Variants in ORC1 observed in about 807,000 individuals in gnomAD.
ORC1 encodes the protein origin recognition complex subunit 1.
ORC1 carries 61 observed loss-of-function variants against 98.9 expected under a neutral mutation model. That is an observed-to-expected ratio of 0.62 (90% CI 0.50 to 0.76). ORC1 has a LOEUF of 0.76. Ranked by LOEUF, ORC1 falls within the 30% of genes least tolerant of loss-of-function variation. The pLI is 0.00. For missense variants in ORC1, 979 were observed against 1,072.2 expected (o/e 0.91, Z 1.21); for synonymous variants, 385 against 406.9 (o/e 0.95, Z 0.65).
chr1:52,403,342 T>C (rs1251042684), intron 1 of ORC1, among the ~76,000 whole-genome samples: 1 of 152,250 alleles, frequency 6.6e-6, no homozygotes, highest in Non-Finnish European at 1.5e-5. Context: ...TGGTTTTATT[T>C]ATTAAGTATC....
rs374124585 is a variant in ORC1 at position 52,385,820 on chromosome 1, C to T, written c.1481+32G>A. On this transcript the variant is annotated intron_variant, in intron 9 of 16. Transcript: ENST00000371568. ...GAAAGCAGAGGCCCCATGGTTCCTG[C>T]CTCTCTGAAGGGGAATCAACAGCAG... 1.3e-5 allele frequency: 19 copies of T among 1,473,096 alleles called. No homozygotes were observed. In the African/African-American group the frequency reaches 2.5e-4, roughly 19 times the overall value. 91.3% of individuals were successfully genotyped at this position (1,473,096 alleles called of 1,614,324 possible). A position where few individuals can be genotyped will look rare whatever the true frequency, so the allele number is the denominator to read the frequency against.
intron 14 of ORC1, among the ~76,000 whole-genome samples, chr1:52,379,313 G>A (rs564321759): frequency 2.8e-4 from 41 of 148,928 alleles, no homozygotes; most frequent in African/African-American, 9.9e-4. Flanking sequence ...GTGCGATCTC[G>A]GCTCACTGCA....
At chr1:52,381,420 G>A (rs1218497571) in intron 14 of ORC1, among the ~76,000 whole-genome samples, 4 of 152,132 alleles carry the variant, frequency 2.6e-5, no homozygotes, top group Non-Finnish European at 4.4e-5. Flanking sequence ...CTTGCTCCCT[G>A]AATGAATTCA....
chr1:52,378,031 G>A (rs1161616739), intron 14 of ORC1, among the ~76,000 whole-genome samples: 1 of 152,186 alleles, frequency 6.6e-6, no homozygotes, highest in Non-Finnish European at 1.5e-5. Context: ...CAAATTGGAT[G>A]TCTTCTGAAT....
Position 52,374,852 on chromosome 1 carries a change from T to C in ORC1, c.2349A>G (p.Ala783=), listed in dbSNP as rs867971218. ...LEQSFLRAIL[A]EFRRSGLEEA... Reference sequence around the variant, plus strand: ...CCTCCAGTCCTGATCGACGGAACTCTGCGAGGATGGCTCTCAGGAAGCTCT... The same window carrying C: ...CCTCCAGTCCTGATCGACGGAACTCCGCGAGGATGGCTCTCAGGAAGCTCT... Residue 783 remains alanine (A), a synonymous_variant, in exon 16 of 17, where the codon GCA becomes GCG. Coordinates refer to ENST00000371568, the MANE Select transcript of ORC1 (RefSeq NM_004153.4). 1 of 1,613,968 alleles carries C rather than the reference T, an allele frequency of 6.2e-7. No individual in the cohort carries two copies. Among genetic ancestry groups the C allele is most frequent in the Middle Eastern group, 1.6e-4 (1 of 6,062 alleles).
At chr1:52,408,817 T>G, upstream of ORC1, 1 of 1,227,954 alleles carries the variant, frequency 8.1e-7, no homozygotes. Flanking sequence ...ACTGTCTCTA[T>G]GCAGGTTTTC....
In ORC1 at chr1:52,373,228, G is replaced by A. The variant is rs1390393417; in HGVS notation, c.2539C>T (p.Leu847Phe). 1 of 1,614,228 alleles carries A rather than the reference G, an allele frequency of 6.2e-7. No homozygotes were observed. Among genetic ancestry groups the A allele is most frequent in the Admixed American group, 1.7e-5 (1 of 60,020 alleles). ...AGCACATCATCCTGGCTGACGTTGA[G>A]CCGCACCCGAAGGAGCAGATCGTTC... ...SRNDLLLRVR[L>F]NVSQDDVLYA... Residue 847 changes from leucine to phenylalanine, a missense_variant, in exon 17 of 17, where the codon CTC (leucine) becomes TTC (phenylalanine). Transcript: ENST00000371568.
chr1:52,400,772 TC>T (rs1040275255), intron 3 of ORC1, among the ~76,000 whole-genome samples: 3 of 152,194 alleles, frequency 2.0e-5, no homozygotes, highest in East Asian at 1.9e-4. Context: ...GATGCCACCT[TC>T]CCTTTTGTTC....
In ORC1 at chr1:52,373,327, G is replaced by A. The variant is rs1176947954; in HGVS notation, c.2440C>T (p.Pro814Ser). 4 of 1,614,038 alleles carry A rather than the reference G, an allele frequency of 2.5e-6. No individual in the cohort carries two copies. In the African/African-American group the frequency reaches 5.3e-5, roughly 22 times the overall value. Residue 814 changes from proline to serine, a missense_variant, in exon 17 of 17, where the codon CCC becomes TCC. Coordinates refer to ENST00000371568, the MANE Select transcript of ORC1 (RefSeq NM_004153.4). ...ALCRMEGLPY[P>S]TMSETMAVCS... is the part of the protein sequence containing the mutation. ...ACGGCCATGGTCTCTGACATGGTGG[G>A]GTACGGCAGTCCCTCCATTCTGCAC...
At position 52,377,164 on chromosome 1, in the gene ORC1, A is replaced by C. The variant is rs372744532; in HGVS notation, c.2134-1565T>G. On this transcript the variant is annotated intron_variant, in intron 14 of 16. Coordinates refer to ENST00000371568, the MANE Select transcript of ORC1 (RefSeq NM_004153.4). ...CAGCCTCCCGAATAGCTGAGATTAA[A>C]GGCATCTGCCACCACACCTGGCTAA... is the stretch of plus-strand genomic sequence containing the variant. Among the ~76,000 whole-genome samples, 100 of 152,286 alleles carry C rather than the reference A, an allele frequency of 6.6e-4. 4 individuals are homozygous for C. The South Asian group carries it at 0.02, about 31-fold the overall frequency.
chr1:52,396,090 G>A lies in ORC1; in HGVS notation c.677C>T (p.Thr226Ile), dbSNP rs1224852075. 9.9e-6 allele frequency: 16 copies of A among 1,614,096 alleles called. No individual in the cohort carries two copies. The highest frequency in any genetic ancestry group is 1.3e-5 in the Non-Finnish European group (15 of 1,180,060). ...TCTGGCTCTTGGGGTAAGAGGATGG[G>A]TAGGAGTTTGGCGAGATTTGGAGGC... ...HSASKSRQTP[T>I]HPLTPRARKR... Residue 226 changes from threonine (T) to isoleucine (I), a missense_variant, in exon 5 of 17, where the codon ACC becomes ATC. Thr to Ile is a moderately conservative substitution (Grantham distance 89). Coordinates refer to ENST00000371568, the MANE Select transcript of ORC1 (RefSeq NM_004153.4).
In ORC1 at chr1:52,402,154, G is replaced by C. The variant is rs1263248699; in HGVS notation, c.70C>G (p.Arg24Gly). 9.9e-6 allele frequency: 16 copies of C among 1,614,104 alleles called. No homozygotes were observed. Among genetic ancestry groups the C allele is most frequent in the Non-Finnish European group, 1.3e-5 (15 of 1,179,974 alleles). Residue 24 changes from arginine (R) to glycine (G), a missense_variant, in exon 2 of 17, where the codon CGA becomes GGA. Arg to Gly is a moderately radical substitution (Grantham distance 125). Transcript: ENST00000371568. ...YSWVGRPLLD[R>G]KLHYQTYREM... ...CTATAGGTTTGGTAGTGCAGTTTTC[G>C]ATCCAACAAGGGCCTGCCAACCCAT...
At chr1:52,408,653 T>C, upstream of ORC1, 1 of 1,614,220 alleles carries the variant, frequency 6.2e-7, no homozygotes, top group African/African-American at 1.3e-5. Flanking sequence ...CTTTGTACAA[T>C]GACTATCGAA....
At chr1:52,387,902 A>G (rs1248092247) in intron 8 of ORC1, among the ~76,000 whole-genome samples, 1 of 152,210 alleles carries the variant, frequency 6.6e-6, no homozygotes, top group Non-Finnish European at 1.5e-5. Flanking sequence ...TAATTCAAAC[A>G]TTTCTCAAGC....
chr1:52,407,547 A>G (rs1026017873), upstream of ORC1, among the ~76,000 whole-genome samples: 1 of 152,232 alleles, frequency 6.6e-6, no homozygotes, highest in Non-Finnish European at 1.5e-5. Context: ...CAGATGACTT[A>G]CTTTTTTCCA....
At chr1:52,386,116 T>C in intron 8 of ORC1, among the ~76,000 whole-genome samples, 167 bp from the exon 9 acceptor site, 1 of 152,322 alleles carries the variant, frequency 6.6e-6, no homozygotes, top group East Asian at 1.9e-4. Flanking sequence ...TCACCTCACA[T>C]TGCATAAACT....
At chr1:52,386,655 A>C in intron 8 of ORC1, among the ~76,000 whole-genome samples, 1 of 152,216 alleles carries the variant, frequency 6.6e-6, no homozygotes, top group Non-Finnish European at 1.5e-5. Flanking sequence ...GGCAGAAAGC[A>C]CTTAAACTGT....
intron 8 of ORC1, among the ~76,000 whole-genome samples, chr1:52,386,546 C>T (rs988273805): frequency 6.6e-6 from 1 of 152,176 alleles, no homozygotes; most frequent in Non-Finnish European, 1.5e-5. Flanking sequence ...ATCTTCATGG[C>T]GTTTCTACAA....
At chr1:52,373,472 C>A (rs1646959846) in intron 16 of ORC1, 97 bp from the exon 17 acceptor site, 5 of 1,027,736 alleles carry the variant, frequency 4.9e-6, no homozygotes, top group Non-Finnish European at 7.4e-6. Flanking sequence ...AGACACATGG[C>A]CCCCAGGATA....
Sources: gnomAD v4.1 joint callset for allele counts (sites outside exome capture counted in the v4.1 genomes callset) on GRCh38, gnomAD v4.1.1 for gene constraint, MANE v1.5 for transcripts, NCBI Gene and HGNC (gene_info 2026-07-23, HGNC 2026-07-21) for gene names.